ERCC6: variants seen among roughly 807,000 people sequenced by gnomAD.
ERCC6 encodes DNA excision repair protein ERCC-6.
A neutral mutation model predicts 158.7 loss-of-function variants in ERCC6; 116 were observed. The observed-to-expected ratio is 0.73, with a 90% CI of 0.63 to 0.85. The LOEUF is 0.85. Among genes scored for constraint, ERCC6 ranks in the 40% least tolerant of loss-of-function variants. The probability of loss-of-function intolerance (pLI) is 0.00; values close to 1 mark genes in which losing one functional copy is unlikely to be tolerated. For synonymous variants in ERCC6, 678 were observed against 659.3 expected, an observed-to-expected ratio of 1.03 and a Z score of -0.43; for missense variants, 1,698 against 1,799.4, an observed-to-expected ratio of 0.94 and a Z score of 1.02.
intron 1 of ERCC6, among the ~76,000 whole-genome samples, chr10:49,538,158 A>G (rs1564449696): frequency 6.6e-6 from 1 of 152,196 alleles, no homozygotes; most frequent in Non-Finnish European, 1.5e-5. Flanking sequence ...CATCTGGGAC[A>G]CTAGTATCTT....
intron 15 of ERCC6, 87 bp downstream of exon 15, chr10:49,472,822 C>T: frequency 2.0e-6 from 3 of 1,517,034 alleles, no homozygotes; most frequent in Non-Finnish European, 2.7e-6. Flanking sequence ...CTGAAGCCAA[C>T]CAGAACATCA....
the ERCC6 span, among the ~76,000 whole-genome samples, chr10:49,440,571 C>T: frequency 1.3e-5 from 2 of 152,214 alleles, no homozygotes; most frequent in South Asian, 2.1e-4. Context: ...ACATGTATGT[C>T]TTTAAGGGAA....
At chr10:49,529,258 T>C (rs902482891) in intron 3 of ERCC6, among the ~76,000 whole-genome samples, 2 of 152,230 alleles carry the variant, frequency 1.3e-5, no homozygotes, top group African/African-American at 4.8e-5. Context: ...ATCCTGAACA[T>C]AAATGCCACA....
chr10:49,459,363 T>C, intron 20 of ERCC6, 129 bp from the exon 21 acceptor site: 2 of 907,538 alleles, frequency 2.2e-6, no homozygotes, highest in South Asian at 2.8e-5. Context: ...AGGGTGAGAC[T>C]GAGACTCCAC....
chr10:49,499,460 G>C (rs1431341045), intron 7 of ERCC6, among the ~76,000 whole-genome samples: 1 of 152,192 alleles, frequency 6.6e-6, no homozygotes, highest in Non-Finnish European at 1.5e-5. Flanking sequence ...GAGCTGGAGA[G>C]TAGGAAGAAC....
chr10:49,496,529 C>A (rs1388177495), intron 7 of ERCC6, among the ~76,000 whole-genome samples: 1 of 152,076 alleles, frequency 6.6e-6, no homozygotes, highest in East Asian at 1.9e-4. Flanking sequence ...AATTTTTGGC[C>A]GGGTACAGTG....
intron 18 of ERCC6, among the ~76,000 whole-genome samples, chr10:49,467,521 G>C (rs1850698658): frequency 6.6e-6 from 1 of 151,922 alleles, no homozygotes; most frequent in Non-Finnish European, 1.5e-5. Context: ...TATCTTTCTT[G>C]GTGAAGTCTG....
At chr10:49,518,499 A>T (rs952751986) in intron 5 of ERCC6, among the ~76,000 whole-genome samples, 5 of 152,214 alleles carry the variant, frequency 3.3e-5, no homozygotes, top group Non-Finnish European at 5.9e-5. Flanking sequence ...AAGAACCACA[A>T]GAACCACTAA....
intron 13 of ERCC6, 31 bp downstream of exon 13, chr10:49,473,996 C>A (rs200160266): frequency 6.3e-7 from 1 of 1,595,114 alleles, no homozygotes; most frequent in East Asian, 2.2e-5. Context: ...AAAGAACCAG[C>A]CTGTTTCCCG....
the ERCC6 span, among the ~76,000 whole-genome samples, chr10:49,441,391 T>G: frequency 6.6e-6 from 1 of 152,074 alleles, no homozygotes; most frequent in Non-Finnish European, 1.5e-5. Context: ...TTCCACACTG[T>G]GGTCACGAAG....
Position 49,532,970 on chromosome 10 carries a change from A to G in ERCC6, c.-6T>C, listed in dbSNP as rs1476842490. 3.7e-6 allele frequency: 6 copies of G among 1,614,084 alleles called. No individual in the cohort carries two copies. The highest frequency in any genetic ancestry group is 5.1e-6 in the Non-Finnish European group (6 of 1,180,048). On this transcript the variant is annotated 5_prime_UTR_variant, in exon 2 of 21. Coordinates refer to ENST00000355832, the MANE Select transcript of ERCC6 (RefSeq NM_000124.4). ...GGGATTCCCTCATTTGGCATTCTCT[A>G]CAGACTACCTAAAAGGAAAAAAATT...
At chr10:49,536,528 A>C (rs3793785) in intron 1 of ERCC6, among the ~76,000 whole-genome samples, 10,545 of 152,318 alleles carry the variant, frequency 0.069, 447 homozygotes, top group Middle Eastern at 0.11. Flanking sequence ...ATTACAGACA[A>C]AATATCCCAC....
At position 49,470,613 on chromosome 10, in the gene ERCC6, C is replaced by G. The variant is rs1321390305; in HGVS notation, c.3347G>C (p.Gly1116Ala). The G allele has an allele frequency of 6.2e-7, 1 of 1,613,602 alleles. No individual in the cohort carries two copies. The highest frequency in any genetic ancestry group is 8.5e-7 in the Non-Finnish European group (1 of 1,179,744). The stretch of plus-strand genomic sequence containing the variant: ...ACTAATCACTGACAACTCTTCTGGT[C>G]CAGATACTGCATTTGTCTCTTCTCC... Reference protein sequence around the residue: ...RLGEETNAVSGPEELSVISGN... With the variant: ...RLGEETNAVSAPEELSVISGN... Residue 1116 changes from glycine (G) to alanine (A), a missense_variant, in exon 18 of 21, where the codon GGA becomes GCA. Gly to Ala is a moderately conservative substitution (Grantham distance 60). Coordinates refer to ENST00000355832, the MANE Select transcript of ERCC6 (RefSeq NM_000124.4).
At chr10:49,482,661 A>G (rs1470776319) in intron 10 of ERCC6, 26 bp downstream of exon 10, 4 of 1,608,876 alleles carry the variant, frequency 2.5e-6, no homozygotes, top group Non-Finnish European at 3.4e-6. Flanking sequence ...TAAAATGCCA[A>G]AAGTATTATC....
chr10:49,538,083 TAAG>T (rs1326848822), intron 1 of ERCC6, among the ~76,000 whole-genome samples: 1 of 152,202 alleles, frequency 6.6e-6, no homozygotes, highest in Non-Finnish European at 1.5e-5. Flanking sequence ...AACTTTGAGT[TAAG>T]AAGAGCAGAG....
At chr10:49,492,974 G>T in intron 8 of ERCC6, 143 bp downstream of exon 8, 1 of 826,950 alleles carries the variant, frequency 1.2e-6, no homozygotes, top group Non-Finnish European at 1.9e-6. Flanking sequence ...TCTAAAGTAA[G>T]TCAATAATAA....
chr10:49,500,791 A>G (rs1263009577), intron 6 of ERCC6, 95 bp from the exon 7 acceptor site: 2 of 1,299,420 alleles, frequency 1.5e-6, no homozygotes, highest in East Asian at 4.6e-5. Context: ...TCATTTGGCT[A>G]GGTTCTAGTA....
In ERCC6 at chr10:49,461,475, T is replaced by G; in HGVS notation, c.3860A>C (p.Asn1287Thr). The change falls in exon 19 of 21, where the codon AAC becomes ACC. Residue 1287 changes from asparagine to threonine, a missense_variant. Asn to Thr is a moderately conservative substitution (Grantham distance 65). Transcript: ENST00000355832. ...TTTCAGGGCATCCTGGGCCACTCGG[T>G]TGGCTTCTGCCTCCACCAGTACATA... ...PDYVLVEAEA[N>T]RVAQDALKAL... 6.2e-7 allele frequency: 1 copy of G among 1,614,168 alleles called. No homozygotes were observed. The highest frequency in any genetic ancestry group is 8.5e-7 in the Non-Finnish European group (1 of 1,180,018).
chr10:49,442,844 T>G, the ERCC6 span, among the ~76,000 whole-genome samples: 1 of 152,248 alleles, frequency 6.6e-6, no homozygotes. Flanking sequence ...TATTTTCTAT[T>G]TTAAGTTCAG....
Sources: gnomAD v4.1 joint callset for allele counts (sites outside exome capture counted in the v4.1 genomes callset) on GRCh38, gnomAD v4.1.1 for gene constraint, MANE v1.5 for transcripts, NCBI Gene and HGNC (gene_info 2026-07-23, HGNC 2026-07-21) for gene names.